The following VPS13A variants were observed in gnomAD, a reference collection of about 807,000 sequenced individuals.
The protein encoded by VPS13A is intermembrane lipid transfer protein VPS13A.
Under a neutral mutation model 390.9 loss-of-function variants are expected in VPS13A, and 264 were observed. The observed-to-expected ratio is 0.68, with a 90% CI of 0.61 to 0.75. VPS13A has a LOEUF of 0.75. VPS13A is among the 30% of genes least tolerant of loss of function. VPS13A has a pLI of 0.00. For synonymous variants in VPS13A, 1,231 were observed against 1,227.1 expected (o/e 1.00, Z -0.07); for missense variants, 3,409 against 3,733.9 (o/e 0.91, Z 2.27).
Position 77,393,628 on chromosome 9 carries a change from C to T in VPS13A, c.9190-9608C>T, listed in dbSNP as rs559470191. On this transcript the variant is annotated intron_variant, in intron 68 of 71. Transcript: ENST00000360280. ...GCAGGCATGAAAATGACATTAATCT[C>T]GTACATCTTCATCAGAGCTCTTGAG... Among the ~76,000 whole-genome samples, 12 of 152,306 alleles carry T rather than the reference C, an allele frequency of 7.9e-5. No homozygotes were observed. The South Asian group carries it at 8.3e-4, about 11-fold the overall frequency.
At chr9:77,308,645 A>G (rs1436507615) in intron 35 of VPS13A, among the ~76,000 whole-genome samples, 1 of 152,180 alleles carries the variant, frequency 6.6e-6, no homozygotes, top group Non-Finnish European at 1.5e-5. Flanking sequence ...CTAATGTTGG[A>G]TCCAGTGTGC....
At chr9:77,186,895 C>A (rs1348134641) in intron 1 of VPS13A, among the ~76,000 whole-genome samples, 1 of 152,170 alleles carries the variant, frequency 6.6e-6, no homozygotes, top group African/African-American at 2.4e-5. Flanking sequence ...CTACCCATTC[C>A]ACCGTCTTCC....
chr9:77,236,127 C>T (rs1824129721), intron 17 of VPS13A, among the ~76,000 whole-genome samples: 1 of 152,162 alleles, frequency 6.6e-6, no homozygotes, highest in South Asian at 2.1e-4. Context: ...GCATTTTAAA[C>T]TTATGACATA....
chr9:77,392,311 GTTC>G, intron 68 of VPS13A, among the ~76,000 whole-genome samples: 1 of 152,252 alleles, frequency 6.6e-6, no homozygotes, highest in African/African-American at 2.4e-5. Flanking sequence ...AATATATATA[GTTC>G]TTCTGTGCTA....
chr9:77,367,157 T>C (rs970153014), intron 61 of VPS13A, among the ~76,000 whole-genome samples: 2 of 152,178 alleles, frequency 1.3e-5, no homozygotes, highest in Non-Finnish European at 2.9e-5. Context: ...GGATAGGATG[T>C]GTATGCCCAA....
rs533600067 is a variant in VPS13A at position 77,232,399 on chromosome 9, T to A, written c.1595+4135T>A. Reference sequence around the variant, plus strand: ...TTAAGTCTTCTGTGAACATGGGATATCTTTCCATTTAAATAAATGCTAAAT... The same window carrying A: ...TTAAGTCTTCTGTGAACATGGGATAACTTTCCATTTAAATAAATGCTAAAT... On this transcript the variant is annotated intron_variant, in intron 17 of 71. Coordinates refer to ENST00000360280, the MANE Select transcript of VPS13A (RefSeq NM_033305.3). 3.0e-4 allele frequency among the ~76,000 whole-genome samples: 46 copies of A among 152,342 alleles called. 1 individual carries two copies. The South Asian group carries it at 9.5e-3, about 32-fold the overall frequency.
chr9:77,218,799 C>T (rs907233140), intron 10 of VPS13A, among the ~76,000 whole-genome samples: 7 of 152,036 alleles, frequency 4.6e-5, no homozygotes, highest in Admixed American at 1.3e-4. Flanking sequence ...CAAAAATAGG[C>T]TGTAGCATGG....
intron 1 of VPS13A, among the ~76,000 whole-genome samples, chr9:77,198,711 T>C (rs1230664580): frequency 6.6e-6 from 1 of 152,198 alleles, no homozygotes; most frequent in South Asian, 2.1e-4. Context: ...TTGCCCAGGC[T>C]GGAGTGCAGT....
intron 34 of VPS13A, among the ~76,000 whole-genome samples, 177 bp downstream of exon 34, chr9:77,303,239 C>A (rs1828486791): frequency 6.6e-6 from 1 of 152,068 alleles, no homozygotes; most frequent in South Asian, 2.1e-4. Flanking sequence ...ATTCTTTTAA[C>A]AAATATTACT....
intron 50 of VPS13A, among the ~76,000 whole-genome samples, chr9:77,342,987 T>G (rs1208410348): frequency 1.3e-5 from 2 of 152,174 alleles, no homozygotes; most frequent in African/African-American, 4.8e-5. Flanking sequence ...AATGGAAATA[T>G]GCTGAGCACT....
chr9:77,189,561 T>G (rs2131070614), intron 1 of VPS13A, among the ~76,000 whole-genome samples: 1 of 152,246 alleles, frequency 6.6e-6, no homozygotes, highest in Admixed American at 6.5e-5. Flanking sequence ...TTCTTTTGGT[T>G]TAGGGTTGCT....
intron 62 of VPS13A, 127 bp downstream of exon 62, chr9:77,368,263 G>T: frequency 1.3e-6 from 1 of 749,540 alleles, no homozygotes; most frequent in African/African-American, 1.8e-5. Context: ...TAAAGCATGG[G>T]TATTTTCCTC....
At chr9:77,344,919 C>A in intron 51 of VPS13A, 90 bp from the exon 52 acceptor site, 2 of 1,420,388 alleles carry the variant, frequency 1.4e-6, no homozygotes, top group Non-Finnish European at 1.9e-6. Context: ...ATTAAATTAT[C>A]AAGTTATGAA....
chr9:77,198,510 T>C (rs1825132861), intron 1 of VPS13A, among the ~76,000 whole-genome samples: 1 of 152,194 alleles, frequency 6.6e-6, no homozygotes. Context: ...GAGTTTTGGA[T>C]TAGTGATGCC....
Position 77,399,541 on chromosome 9 carries a change from G to A in VPS13A, c.9190-3695G>A, listed in dbSNP as rs534789919. On this transcript the variant is annotated intron_variant, in intron 68 of 71. Transcript: ENST00000360280. ...AGCTTTTAAACTATTGGAAGGTTAC[G>A]ATCTATTAATGGTGTATGTAGGCTC... Among the ~76,000 whole-genome samples, 93 of 150,896 alleles carry A rather than the reference G, an allele frequency of 6.2e-4. 3 individuals carry two copies. In the Middle Eastern group the frequency reaches 0.021, roughly 33 times the overall value.
chr9:77,231,018 C>T (rs1823800771), intron 17 of VPS13A, among the ~76,000 whole-genome samples: 1 of 152,054 alleles, frequency 6.6e-6, no homozygotes, highest in South Asian at 2.1e-4. Context: ...GAATTGTTTT[C>T]TTAATTTCAT....
intron 71 of VPS13A, among the ~76,000 whole-genome samples, chr9:77,411,738 A>T (rs1476934105): frequency 6.6e-6 from 1 of 151,306 alleles, no homozygotes; most frequent in Non-Finnish European, 1.5e-5. Flanking sequence ...AAGGCAAGAA[A>T]TGACTAAGAT....
At chr9:77,340,598 C>T in intron 50 of VPS13A, 48 bp downstream of exon 50, 1 of 1,607,086 alleles carries the variant, frequency 6.2e-7, no homozygotes, top group Non-Finnish European at 8.5e-7. Flanking sequence ...TCTATTTTCT[C>T]CTTGAAGTTA....
rs774007947 is a variant in VPS13A, at chr9:77,260,069, T to C, written c.2289-17T>C. ...ATAATTCCTTTATAATTACTTATTTTTATCTTTTCAAAACAGATTCAAGAT... is the reference window on the plus strand; with the variant it reads ...ATAATTCCTTTATAATTACTTATTTCTATCTTTTCAAAACAGATTCAAGAT... On this transcript the variant is annotated splice_polypyrimidine_tract_variant and intron_variant, in intron 22 of 71. Transcript: ENST00000360280. 7.1e-7 allele frequency: 1 copy of C among 1,408,012 alleles called. No individual in the cohort carries two copies. Among genetic ancestry groups the C allele is most frequent in the South Asian group, 1.2e-5 (1 of 81,078 alleles). 87.2% of individuals were successfully genotyped at this position (1,408,012 alleles called of 1,614,324 possible).
Sources: allele counts gnomAD v4.1 joint callset (sites outside exome capture counted in the v4.1 genomes callset), GRCh38; gene constraint gnomAD v4.1.1; transcripts MANE v1.5; gene names NCBI Gene and HGNC (gene_info 2026-07-23, HGNC 2026-07-21).